INPP5D: variants seen among roughly 807,000 people sequenced by gnomAD.
INPP5D encodes inositol polyphosphate-5-phosphatase D.
INPP5D carries 33 observed loss-of-function variants against 122.9 expected under a neutral mutation model. The ratio of observed to expected loss-of-function variants is 0.27; its 90% CI spans 0.20 to 0.36. The LOEUF is 0.36. Ranked by LOEUF, INPP5D falls within the 10% of genes least tolerant of loss-of-function variation. The pLI is 1.00. For synonymous variants in INPP5D, 584 were observed against 576.2 expected, an observed-to-expected ratio of 1.01 and a Z score of -0.19; for missense variants, 1,053 against 1,412.7, an observed-to-expected ratio of 0.75 and a Z score of 4.08.
chr2:233,097,825 G>C (rs1335792291), intron 2 of INPP5D, among the ~76,000 whole-genome samples: 1 of 151,928 alleles, frequency 6.6e-6, no homozygotes, highest in East Asian at 1.9e-4. Flanking sequence ...GATCTGTTTT[G>C]TGCTGGCTGG....
chr2:233,140,574 C>T lies in INPP5D; in HGVS notation c.753+645C>T, dbSNP rs1294943113. 3.9e-5 allele frequency: 6 copies of T among 152,400 alleles called. No homozygotes were observed. In the East Asian group the frequency reaches 9.6e-4, roughly 24 times the overall value. The allele number at this position is 152,400 out of a possible 1,614,324, so 9.4% of individuals were successfully genotyped here. On this transcript the variant is annotated intron_variant, in intron 6 of 26. Transcript: ENST00000445964. Reference sequence around the variant, plus strand: ...CCAGGCTGGCGTGCAGTGGCACAATCACAGCTCACTGCATCCTCAAACATC... The same window carrying T: ...CCAGGCTGGCGTGCAGTGGCACAATTACAGCTCACTGCATCCTCAAACATC...
Position 233,100,987 on chromosome 2 carries a change from A to C in INPP5D, c.199-21120A>C, listed in dbSNP as rs1692294745. On this transcript the variant is annotated intron_variant, in intron 2 of 26. Transcript: ENST00000445964. This position sits in a 1 kb window ranked among gnomAD's most constrained non-coding sequence, Gnocchi z 5.3. ...TAATCCCCTCCGTGTGCCCCCAACGAGTCATTCACCATCTTGTGCTAACTG... is the reference window on the plus strand; with the variant it reads ...TAATCCCCTCCGTGTGCCCCCAACGCGTCATTCACCATCTTGTGCTAACTG... Among the ~76,000 whole-genome samples the C allele has an allele frequency of 7.6e-6, 1 of 132,288 alleles. No individual in the cohort carries two copies. The highest frequency in any genetic ancestry group is 2.4e-4 in the South Asian group (1 of 4,254). The allele number at this position is 132,288 out of a possible 152,430, so 86.8% of individuals were successfully genotyped here.
At chr2:233,095,683 C>T (rs1032877402) in intron 2 of INPP5D, among the ~76,000 whole-genome samples, 21 of 144,960 alleles carry the variant, frequency 1.4e-4, no homozygotes, top group Non-Finnish European at 3.0e-5. Context: ...CTTGGCTTCC[C>T]AAAATGGAGA....
chr2:233,068,438 C>CA (rs1691286791), intron 1 of INPP5D, among the ~76,000 whole-genome samples: 5 of 149,378 alleles, frequency 3.3e-5, no homozygotes, highest in African/African-American at 1.2e-4. Context: ...ACTAAAAATA[C>CA]GAAAAATTTA....
chr2:233,176,238 A>G (rs1694621501), intron 17 of INPP5D, among the ~76,000 whole-genome samples: 1 of 151,878 alleles, frequency 6.6e-6, no homozygotes, highest in Non-Finnish European at 1.5e-5. Context: ...GTCATATAGT[A>G]TTAATAGATA....
chr2:233,114,102 G>A (rs1036797781), intron 2 of INPP5D, among the ~76,000 whole-genome samples: 32 of 152,078 alleles, frequency 2.1e-4, no homozygotes, highest in African/African-American at 7.2e-4. Context: ...TAGAGATGGG[G>A]TTTCACTGTG....
At position 233,206,992 on chromosome 2, in the gene INPP5D, C is replaced by A; in HGVS notation, c.*284C>A. On this transcript the variant is annotated 3_prime_UTR_variant, in exon 27 of 27. Transcript: ENST00000445964. The surrounding 1 kb of genome is among the most constrained non-coding windows in gnomAD (Gnocchi z 4.0). ...TGGGACCCCAGTGCCTCGTTGAGGG[C>A]GCCATTCTGAAGAAAGGAACTGCAG... The A allele has an allele frequency of 2.5e-6, 1 of 407,332 alleles. No homozygotes were observed. Among genetic ancestry groups the A allele is most frequent in the Non-Finnish European group, 4.5e-6 (1 of 223,858 alleles). 25.2% of individuals were successfully genotyped at this position (407,332 alleles called of 1,614,324 possible).
chr2:233,191,128 C>T (rs1242236835), intron 22 of INPP5D, among the ~76,000 whole-genome samples: 1 of 152,190 alleles, frequency 6.6e-6, no homozygotes, highest in African/African-American at 2.4e-5. Context: ...AATTGACTCA[C>T]AGTTCTGCAG....
In INPP5D at chr2:233,206,607, A is replaced by C; in HGVS notation, c.3568-99A>C. 1.4e-6 allele frequency: 1 copy of C among 700,528 alleles called. No individual in the cohort carries two copies. Among genetic ancestry groups the C allele is most frequent in the Non-Finnish European group, 2.7e-6 (1 of 374,716 alleles). 43.4% of individuals were successfully genotyped at this position (700,528 alleles called of 1,614,324 possible). A position where few individuals can be genotyped will look rare whatever the true frequency, so the allele number is the denominator to read the frequency against. On this transcript the variant is annotated intron_variant, in intron 26 of 26. Coordinates refer to ENST00000445964, the MANE Select transcript of INPP5D (RefSeq NM_001017915.3). This position sits in a 1 kb window ranked among gnomAD's most constrained non-coding sequence, Gnocchi z 4.0. ...CTCTTCTCAGCTACACGTTAAAGGA[A>C]GCCTGGCCTAGCCCACAGCATGCAG...
In INPP5D at chr2:233,060,366, G is replaced by C. The variant is rs1691030870; in HGVS notation, c.-113G>C. 9.6e-6 allele frequency: 12 copies of C among 1,249,710 alleles called. No homozygotes were observed. The East Asian group carries it at 3.1e-4, about 32-fold the overall frequency. 77.4% of individuals were successfully genotyped at this position (1,249,710 alleles called of 1,614,324 possible). On this transcript the variant is annotated 5_prime_UTR_variant, in exon 1 of 27. Transcript: ENST00000445964. ...CAGTTAAGCTGGTGGCAGCAGCCGAGGCCACCAAGAGGCAACGGGCGGCAG... is the reference window on the plus strand; with the variant it reads ...CAGTTAAGCTGGTGGCAGCAGCCGACGCCACCAAGAGGCAACGGGCGGCAG...
At chr2:233,195,640 A>C in intron 24 of INPP5D, 145 bp downstream of exon 24, 1 of 1,383,670 alleles carries the variant, frequency 7.2e-7, no homozygotes, top group South Asian at 1.3e-5. Context: ...TGAGCCTAGG[A>C]GTTTGAGACC....
intron 23 of INPP5D, among the ~76,000 whole-genome samples, chr2:233,194,984 CAG>C (rs1409071337): frequency 6.6e-6 from 1 of 152,088 alleles, no homozygotes; most frequent in African/African-American, 2.4e-5. Flanking sequence ...TTAGTAGAGA[CAG>C]TGTTTCACCA....
At chr2:233,162,019 T>C (rs1052360799) in intron 11 of INPP5D, among the ~76,000 whole-genome samples, 193 bp downstream of exon 11, 5 of 151,656 alleles carry the variant, frequency 3.3e-5, no homozygotes, top group Non-Finnish European at 5.9e-5. Flanking sequence ...AGATGATGGG[T>C]AAGAAAAACG....
At chr2:233,130,722 T>G in intron 5 of INPP5D, 74 bp downstream of exon 5, 1 of 1,477,230 alleles carries the variant, frequency 6.8e-7, no homozygotes, top group South Asian at 1.2e-5. Flanking sequence ...GAGAGCGACC[T>G]CTGCCTCTGC....
chr2:233,116,192 C>A (rs1692782442), intron 2 of INPP5D, among the ~76,000 whole-genome samples: 1 of 145,506 alleles, frequency 6.9e-6, no homozygotes, highest in South Asian at 2.1e-4. Flanking sequence ...CTACTCTGAG[C>A]CTGAGATGTC....
chr2:233,095,751 A>C (rs929669841), intron 2 of INPP5D, among the ~76,000 whole-genome samples: 9 of 13,680 alleles, frequency 6.6e-4, no homozygotes, highest in African/African-American at 2.3e-3. Flanking sequence ...AGCTTGGTCA[A>C]AAAAAAATTA....
chr2:233,129,539 C>G (rs1693258644), intron 4 of INPP5D, among the ~76,000 whole-genome samples: 1 of 152,220 alleles, frequency 6.6e-6, no homozygotes, highest in Non-Finnish European at 1.5e-5. Context: ...CAGGGTTGAT[C>G]TGCACAGTGA....
At chr2:233,130,394 G>A in intron 4 of INPP5D, 114 bp from the exon 5 acceptor site, 1 of 1,133,846 alleles carries the variant, frequency 8.8e-7, no homozygotes, top group Non-Finnish European at 1.2e-6. Context: ...GAAGGACGGT[G>A]TCCCCTTGGA....
In INPP5D at chr2:233,082,807, AGT is replaced by A. The variant is rs1691725266; in HGVS notation, c.198+3412_198+3413del. On this transcript the variant is annotated intron_variant, in intron 2 of 26. Transcript: ENST00000445964. The surrounding 1 kb of genome is among the most constrained non-coding windows in gnomAD (Gnocchi z 4.7). ...ATCCAACCCCCTCGTTCTAAATATG[AGT>A]GTTGCTGAGAACTGCGGAAGTTGGA... 6.6e-6 allele frequency among the ~76,000 whole-genome samples: 1 copy of A among 152,148 alleles called. No homozygotes were observed. The highest frequency in any genetic ancestry group is 1.5e-5 in the Non-Finnish European group (1 of 68,028).
Sources: allele counts gnomAD v4.1 joint callset (sites outside exome capture counted in the v4.1 genomes callset), GRCh38; gene constraint gnomAD v4.1.1; non-coding constraint Gnocchi (gnomAD v3.1); transcripts MANE v1.5; gene names NCBI Gene and HGNC (gene_info 2026-07-23, HGNC 2026-07-21).